Variants in SLC35D4 observed in about 807,000 individuals in gnomAD.
The protein encoded by SLC35D4 is UDP-N-acetylglucosamine transporter SLC35D4.
chr18:23,349,525 GGA>G, the SLC35D4 span, among the ~76,000 whole-genome samples: 1 of 152,178 alleles, frequency 6.6e-6, no homozygotes, highest in Non-Finnish European at 1.5e-5. Context: ...CAGCTACTCG[GGA>G]GGCTAAGGCA....
At chr18:23,294,904 C>T in the SLC35D4 span, among the ~76,000 whole-genome samples, 19 of 152,084 alleles carry the variant, frequency 1.2e-4, no homozygotes, top group Non-Finnish European at 2.4e-4. Context: ...GCTTTTGGGG[C>T]CAGTTCTGCT....
chr18:23,259,230 G>A, the SLC35D4 span: 12 of 152,112 alleles, frequency 7.9e-5, no homozygotes, highest in African/African-American at 2.9e-4. Context: ...CAGGGGGAGA[G>A]CCTTTCTGAG....
the SLC35D4 span, among the ~76,000 whole-genome samples, chr18:23,318,737 TATG>T: frequency 6.6e-6 from 1 of 152,252 alleles, no homozygotes; most frequent in Non-Finnish European, 1.5e-5. Context: ...ATCTATGTGA[TATG>T]ATATGTGATT....
At chr18:23,286,710 C>T in the SLC35D4 span, among the ~76,000 whole-genome samples, 2 of 152,000 alleles carry the variant, frequency 1.3e-5, no homozygotes, top group Non-Finnish European at 2.9e-5. Flanking sequence ...GTATTGACGG[C>T]CAGGCTTCTA....
the SLC35D4 span, among the ~76,000 whole-genome samples, chr18:23,364,624 G>GCC: frequency 6.6e-6 from 1 of 152,076 alleles, no homozygotes; most frequent in East Asian, 1.9e-4. Flanking sequence ...TTGACTCCTG[G>GCC]CCGGGCGCAG....
At chr18:23,276,239 C>A in the SLC35D4 span, among the ~76,000 whole-genome samples, 1 of 151,966 alleles carries the variant, frequency 6.6e-6, no homozygotes, top group Non-Finnish European at 1.5e-5. Context: ...AGGCACCCAC[C>A]AAAACGTCCG....
the SLC35D4 span, among the ~76,000 whole-genome samples, chr18:23,405,336 C>T: frequency 8.5e-5 from 13 of 152,084 alleles, no homozygotes; most frequent in African/African-American, 2.9e-4. Flanking sequence ...TACAGGTGCC[C>T]ACTACCACGC....
chr18:23,308,747 T>C, the SLC35D4 span, among the ~76,000 whole-genome samples: 1 of 152,178 alleles, frequency 6.6e-6, no homozygotes, highest in African/African-American at 2.4e-5. Flanking sequence ...GCTGTCTTTA[T>C]GCAAATGGGT....
chr18:23,340,207 C>A, the SLC35D4 span, among the ~76,000 whole-genome samples: 1 of 151,974 alleles, frequency 6.6e-6, no homozygotes, highest in Non-Finnish European at 1.5e-5. Flanking sequence ...CATGGTGGTG[C>A]GTGCCTATAG....
the SLC35D4 span, among the ~76,000 whole-genome samples, chr18:23,314,838 C>A: frequency 2.1e-3 from 326 of 152,374 alleles, 1 homozygote; most frequent in African/African-American, 7.7e-3. Flanking sequence ...GGGGTGCCAA[C>A]AACAGCAGAA....
chr18:23,433,537 C>A, the SLC35D4 span, among the ~76,000 whole-genome samples: 1 of 152,172 alleles, frequency 6.6e-6, no homozygotes, highest in African/African-American at 2.4e-5. Context: ...ACAGCTGGAA[C>A]CTCCCAAAGG....
the SLC35D4 span, among the ~76,000 whole-genome samples, chr18:23,325,451 G>T: frequency 2.0e-5 from 3 of 152,046 alleles, no homozygotes; most frequent in South Asian, 2.1e-4. Context: ...GCACAGGAGG[G>T]GCTTGAGTGT....
At chr18:23,427,707 G>C in the SLC35D4 span, among the ~76,000 whole-genome samples, 1 of 152,140 alleles carries the variant, frequency 6.6e-6, no homozygotes, top group Non-Finnish European at 1.5e-5. Flanking sequence ...CTGCTATAAA[G>C]ACACATGCAC....
chr18:23,390,758 C>A, the SLC35D4 span, among the ~76,000 whole-genome samples: 1 of 152,196 alleles, frequency 6.6e-6, no homozygotes, highest in Admixed American at 6.5e-5. Context: ...TCTGAGTCAA[C>A]TTCTCAATTT....
the SLC35D4 span, among the ~76,000 whole-genome samples, chr18:23,276,384 A>G: frequency 3.3e-5 from 5 of 151,822 alleles, no homozygotes; most frequent in South Asian, 2.1e-4. Context: ...CACCGCGCCC[A>G]GCCAGAAAAG....
the SLC35D4 span, among the ~76,000 whole-genome samples, chr18:23,287,549 C>T: frequency 6.6e-6 from 1 of 152,226 alleles, no homozygotes; most frequent in African/African-American, 2.4e-5. Flanking sequence ...TCCCAAACCC[C>T]AATCCCTTCC....
the SLC35D4 span, among the ~76,000 whole-genome samples, chr18:23,309,470 A>G: frequency 6.6e-6 from 1 of 151,548 alleles, no homozygotes. Flanking sequence ...TAGTATATTT[A>G]TGATATATGC....
the SLC35D4 span, among the ~76,000 whole-genome samples, chr18:23,336,488 G>A: frequency 1.3e-5 from 2 of 152,086 alleles, no homozygotes; most frequent in African/African-American, 4.8e-5. Context: ...ATTTAATTAG[G>A]GAACAGCCAT....
At chr18:23,301,209 G>C in the SLC35D4 span, among the ~76,000 whole-genome samples, 2 of 152,188 alleles carry the variant, frequency 1.3e-5, no homozygotes, top group African/African-American at 4.8e-5. Context: ...GCTCTGCCGA[G>C]TGAGTTCATA....
Sources: gnomAD v4.1 joint callset for allele counts (sites outside exome capture counted in the v4.1 genomes callset) on GRCh38, gnomAD v4.1.1 for gene constraint, MANE v1.5 for transcripts, NCBI Gene and HGNC (gene_info 2026-07-23, HGNC 2026-07-21) for gene names.